Variants in NAV2 observed in about 807,000 individuals in gnomAD.
NAV2 encodes the protein neuron navigator 2.
A neutral mutation model predicts 223.2 loss-of-function variants in NAV2; 54 were observed. The observed-to-expected ratio is 0.24, with a 90% CI of 0.19 to 0.30. The LOEUF is 0.30. NAV2 is among the 10% of genes least tolerant of loss of function. NAV2 has a pLI of 1.00. For missense variants in NAV2, 2,806 were observed against 3,147.5 expected (o/e 0.89, Z 2.60); for synonymous variants, 1,279 against 1,239.3 (o/e 1.03, Z -0.67).
At position 19,880,068 on chromosome 11, in the gene NAV2, C is replaced by T; in HGVS notation, c.711C>T (p.Cys237=). 1 of 1,612,162 alleles carries T rather than the reference C, an allele frequency of 6.2e-7. No individual in the cohort carries two copies. Among genetic ancestry groups the T allele is most frequent in the Non-Finnish European group, 8.5e-7 (1 of 1,178,724 alleles). The change falls in exon 5 of 38, where the codon TGC becomes TGT. Residue 237 remains cysteine (C), a synonymous_variant. Transcript: ENST00000349880. ...TGCCAGTCACTCCCCAAGCCCCGTG[C>T]CAGCCTCACCAGCCAGCGCCACATC... The part of the protein sequence containing the change: ...QQVPVTPQAP[C]QPHQPAPHQQ...
chr11:19,564,184 A>G (rs2045190480), intron 1 of NAV2, among the ~76,000 whole-genome samples: 1 of 152,088 alleles, frequency 6.6e-6, no homozygotes, highest in Non-Finnish European at 1.5e-5. Flanking sequence ...GTGCAGTGAC[A>G]AGAGCCACCA....
At chr11:19,774,549 C>G (rs1056770900) in intron 1 of NAV2, among the ~76,000 whole-genome samples, 2 of 152,186 alleles carry the variant, frequency 1.3e-5, no homozygotes, top group African/African-American at 2.4e-5. Context: ...TACATTGCAA[C>G]TGTTGGTGTA....
chr11:19,977,043 A>G (rs61877339), intron 10 of NAV2, among the ~76,000 whole-genome samples: 36,030 of 151,964 alleles, frequency 0.24, 5,905 homozygotes, highest in African/African-American at 0.48. Context: ...AGGAAATCGC[A>G]TAAAGGGTGC....
chr11:19,500,121 A>G (rs1275849233), intron 1 of NAV2, among the ~76,000 whole-genome samples: 1 of 152,156 alleles, frequency 6.6e-6, no homozygotes, highest in Non-Finnish European at 1.5e-5. Flanking sequence ...TGTCTTAGCC[A>G]ATGGTATTTT....
intron 1 of NAV2, among the ~76,000 whole-genome samples, chr11:19,525,471 C>T (rs565692972): frequency 3.9e-5 from 6 of 152,256 alleles, no homozygotes; most frequent in South Asian, 2.1e-4. Context: ...GTGAGGACTG[C>T]GGTCTGTCGT....
At chr11:19,410,406 C>T (rs942819703) in intron 1 of NAV2, among the ~76,000 whole-genome samples, 1 of 152,184 alleles carries the variant, frequency 6.6e-6, no homozygotes, top group Non-Finnish European at 1.5e-5. Flanking sequence ...TTCATTTAAT[C>T]TCCATACCAA....
intron 3 of NAV2, among the ~76,000 whole-genome samples, chr11:19,857,492 T>C (rs773363355): frequency 6.6e-6 from 1 of 152,240 alleles, no homozygotes; most frequent in Non-Finnish European, 1.5e-5. Flanking sequence ...GCCTGCGTTT[T>C]CTGCCCATTG....
chr11:19,802,193 T>G (rs2058308241), intron 1 of NAV2, among the ~76,000 whole-genome samples: 1 of 152,088 alleles, frequency 6.6e-6, no homozygotes, highest in South Asian at 2.1e-4. Flanking sequence ...TTTCTGAGAT[T>G]AGTGTCAAAT....
chr11:19,897,935 T>C (rs1289929752), intron 6 of NAV2, among the ~76,000 whole-genome samples: 2 of 149,602 alleles, frequency 1.3e-5, no homozygotes, highest in African/African-American at 5.0e-5. Flanking sequence ...GGAAGACTAC[T>C]CACTTCTGTT....
At chr11:19,528,356 G>A (rs2043910058) in intron 1 of NAV2, among the ~76,000 whole-genome samples, 1 of 152,118 alleles carries the variant, frequency 6.6e-6, no homozygotes, top group Non-Finnish European at 1.5e-5. Flanking sequence ...TAGTGAGAAG[G>A]AGCATTTTGC....
chr11:19,475,765 C>T (rs142464959), intron 1 of NAV2, among the ~76,000 whole-genome samples: 110 of 152,198 alleles, frequency 7.2e-4, no homozygotes, highest in Non-Finnish European at 1.1e-3. Flanking sequence ...AAAAGTCAGC[C>T]TGAAAAAAAT....
Position 20,105,727 on chromosome 11 carries a change from G to A in NAV2, c.6841G>A (p.Gly2281Ser), listed in dbSNP as rs753833914. ...EAHSSSDVTI[G>S]PRLFLSCPID... ...TCACAGTTCCTCGGACGTCACCATC[G>A]GTGGGTGGGAGACTGGGGTCAGGGG... is the stretch of plus-strand genomic sequence containing the variant. Residue 2281 changes from glycine (G) to serine (S), a missense_variant and splice_region_variant, in exon 35 of 38, where the codon GGC becomes AGC. Transcript: ENST00000349880. 6.2e-7 allele frequency: 1 copy of A among 1,610,398 alleles called. No individual in the cohort carries two copies.
At chr11:19,403,528 A>G (rs1343613319) in intron 1 of NAV2, among the ~76,000 whole-genome samples, 4 of 152,202 alleles carry the variant, frequency 2.6e-5, no homozygotes, top group Admixed American at 6.5e-5. Flanking sequence ...TTGTTCAAAG[A>G]TAGGGAGGCA....
chr11:19,715,958 C>T (rs1485040405), intron 1 of NAV2, among the ~76,000 whole-genome samples: 1 of 152,156 alleles, frequency 6.6e-6, no homozygotes, highest in Non-Finnish European at 1.5e-5. Context: ...TGTGGCAGAT[C>T]CCTGTCTGCA....
Position 19,786,506 on chromosome 11 carries a change from A to G in NAV2, c.268-45978A>G, listed in dbSNP as rs574852056. Among the ~76,000 whole-genome samples the G allele has an allele frequency of 7.0e-4, 106 of 152,338 alleles. 2 individuals are homozygous for G. The South Asian group carries it at 0.019, about 27-fold the overall frequency. ...CATAAAATGTGGGGTTGTTTACTGTAAGGTCATTGAGATTGCATACAGCTT... is the reference window on the plus strand; with the variant it reads ...CATAAAATGTGGGGTTGTTTACTGTGAGGTCATTGAGATTGCATACAGCTT... On this transcript the variant is annotated intron_variant, in intron 1 of 37. Transcript: ENST00000349880.
chr11:19,594,768 A>G (rs1261950835), intron 1 of NAV2, among the ~76,000 whole-genome samples: 1 of 152,208 alleles, frequency 6.6e-6, no homozygotes, highest in Admixed American at 6.5e-5. Context: ...AAACCTGAGC[A>G]GCGTGCTTAA....
chr11:19,530,064 G>C (rs549754319), intron 1 of NAV2, among the ~76,000 whole-genome samples: 1 of 152,304 alleles, frequency 6.6e-6, no homozygotes, highest in Non-Finnish European at 1.5e-5. Flanking sequence ...GTGGCAGCTG[G>C]AGGGTCAGAA....
At chr11:19,411,445 G>A (rs1702271492) in intron 1 of NAV2, among the ~76,000 whole-genome samples, 2 of 152,184 alleles carry the variant, frequency 1.3e-5, no homozygotes, top group African/African-American at 4.8e-5. Context: ...AGGACCTGGA[G>A]TCATTTATTT....
chr11:20,000,381 A>G (rs1459809620), intron 11 of NAV2, among the ~76,000 whole-genome samples: 1 of 152,208 alleles, frequency 6.6e-6, no homozygotes, highest in Non-Finnish European at 1.5e-5. Context: ...TCAGAACCAT[A>G]ATTTGAGGAG....
Sources: allele counts gnomAD v4.1 joint callset (sites outside exome capture counted in the v4.1 genomes callset), GRCh38; gene constraint gnomAD v4.1.1; transcripts MANE v1.5; gene names NCBI Gene and HGNC (gene_info 2026-07-23, HGNC 2026-07-21).